Variants in CHD6 observed in about 807,000 individuals in gnomAD.
CHD6 encodes the protein ATP-dependent chromatin remodeler CHD6.
In CHD6, 50 loss-of-function variants were observed where a neutral mutation model predicts 276.9. The observed-to-expected ratio is 0.18, with a 90% CI of 0.14 to 0.23. CHD6 has a LOEUF of 0.23. Ranked by LOEUF, CHD6 falls within the 10% of genes least tolerant of loss-of-function variation. The pLI, the probability that CHD6 is intolerant of heterozygous loss-of-function variation, is 1.00. For synonymous variants in CHD6, 1,173 were observed against 1,229.3 expected, an observed-to-expected ratio of 0.95 and a Z score of 0.96; for missense variants, 2,564 against 3,365.8, an observed-to-expected ratio of 0.76 and a Z score of 5.89.
At chr20:41,454,151 G>T (rs2048321352) in intron 20 of CHD6, among the ~76,000 whole-genome samples, 1 of 152,158 alleles carries the variant, frequency 6.6e-6, no homozygotes, top group South Asian at 2.1e-4. Context: ...TTCATCCGAA[G>T]GCATACTCTG....
intron 24 of CHD6, among the ~76,000 whole-genome samples, chr20:41,447,246 C>T (rs2048097899): frequency 6.6e-6 from 1 of 152,202 alleles, no homozygotes; most frequent in Non-Finnish European, 1.5e-5. Flanking sequence ...GTCCAAATAT[C>T]AGCACTCTTG....
intron 10 of CHD6, among the ~76,000 whole-genome samples, chr20:41,492,200 A>AT (rs1476229621): frequency 1.4e-4 from 21 of 152,192 alleles, no homozygotes; most frequent in African/African-American, 4.8e-4. Flanking sequence ...GTTTCTTACC[A>AT]TATCTCACAC....
intron 8 of CHD6, among the ~76,000 whole-genome samples, chr20:41,495,264 A>G (rs2043656379): frequency 6.6e-6 from 1 of 152,232 alleles, no homozygotes; most frequent in African/African-American, 2.4e-5. Context: ...AGACAATAGA[A>G]TATCATTCAG....
intron 3 of CHD6, among the ~76,000 whole-genome samples, chr20:41,526,793 G>T (rs181790650): frequency 1.6e-3 from 250 of 152,226 alleles, no homozygotes; most frequent in Admixed American, 2.7e-3. Flanking sequence ...CACTTTTCCT[G>T]TGATCTTTCA....
At chr20:41,591,906 T>C (rs958615919) in intron 1 of CHD6, among the ~76,000 whole-genome samples, 4 of 152,144 alleles carry the variant, frequency 2.6e-5, no homozygotes, top group Non-Finnish European at 5.9e-5. Context: ...AAGACCATCC[T>C]GGCTAAGACA....
In CHD6 at chr20:41,452,080, G is replaced by T; in HGVS notation, c.3324-55C>A. The T allele has an allele frequency of 1.5e-6, 2 of 1,374,746 alleles. No individual in the cohort carries two copies. The highest frequency in any genetic ancestry group is 1.2e-5 in the South Asian group (1 of 84,558). 85.2% of individuals were successfully genotyped at this position (1,374,746 alleles called of 1,614,324 possible). A position where few individuals can be genotyped will look rare whatever the true frequency, so the allele number is the denominator to read the frequency against. The stretch of plus-strand genomic sequence containing the variant: ...AGGGAGAATGGACCAGGCCATGCAG[G>T]CAGCCTCCCCACAGGAGGAGAAACA... On this transcript the variant is annotated intron_variant, in intron 21 of 36. Transcript: ENST00000373233. This position sits in a 1 kb window ranked among gnomAD's most constrained non-coding sequence, Gnocchi z 4.2.
At chr20:41,606,686 A>C (rs1484045102) in intron 1 of CHD6, among the ~76,000 whole-genome samples, 5 of 151,874 alleles carry the variant, frequency 3.3e-5, no homozygotes, top group Non-Finnish European at 7.4e-5. Flanking sequence ...AAAAAAAAAA[A>C]AAACTTATCT....
At position 41,415,200 on chromosome 20, in the gene CHD6, G is replaced by C. The variant is rs779167614; in HGVS notation, c.6925C>G (p.Gln2309Glu). The stretch of plus-strand genomic sequence containing the variant: ...TCAATACCCACCAAGATTCCCGCCT[G>C]AAGTGTCTGCTCCTTCAAAAAGATG... ...DLIFLKEQTL[Q>E]AGILEVHEDP... The change falls in exon 34 of 37, where the codon CAG becomes GAG. Residue 2309 changes from glutamine (Q) to glutamate (E), a missense_variant. Around this residue, in one of 7 missense-constraint regions of CHD6, gnomAD observed 1,024 missense variants for 1,047.9 expected, o/e 0.98. Transcript: ENST00000373233. The C allele has an allele frequency of 6.2e-7, 1 of 1,613,892 alleles. No individual in the cohort carries two copies. The highest frequency in any genetic ancestry group is 8.5e-7 in the Non-Finnish European group (1 of 1,179,850).
In CHD6 at chr20:41,425,411, G is replaced by A; in HGVS notation, c.4130-17C>T. 2 of 1,605,346 alleles carry A rather than the reference G, an allele frequency of 1.2e-6. No homozygotes were observed. The highest frequency in any genetic ancestry group is 8.5e-7 in the Non-Finnish European group (1 of 1,174,824). Reference sequence around the variant, plus strand: ...CATCCTGGGCTTCAAACATCAGTGAGGATATTAGTATTTACAAACAGAACT... The same window carrying A: ...CATCCTGGGCTTCAAACATCAGTGAAGATATTAGTATTTACAAACAGAACT... On this transcript the variant is annotated splice_polypyrimidine_tract_variant and intron_variant, in intron 28 of 36. Transcript: ENST00000373233.
intron 1 of CHD6, among the ~76,000 whole-genome samples, chr20:41,603,122 G>A (rs371307923): frequency 1.8e-4 from 27 of 152,236 alleles, no homozygotes; most frequent in African/African-American, 6.0e-4. Flanking sequence ...AGAGGCCAAG[G>A]TGGGTGGATC....
chr20:41,555,923 C>G (rs1359289218), intron 1 of CHD6, among the ~76,000 whole-genome samples: 1 of 152,164 alleles, frequency 6.6e-6, no homozygotes. Context: ...GAGGTTGTAG[C>G]GAGCCGAGAT....
intron 1 of CHD6, among the ~76,000 whole-genome samples, chr20:41,556,970 A>G (rs1256296800): frequency 1.3e-5 from 2 of 152,348 alleles, no homozygotes; most frequent in East Asian, 1.9e-4. Context: ...CTTCTGCACA[A>G]TGCTGGAAAT....
chr20:41,522,481 T>TAAA (rs1304434053), intron 3 of CHD6, among the ~76,000 whole-genome samples: 4 of 152,312 alleles, frequency 2.6e-5, no homozygotes, highest in East Asian at 1.9e-4. Flanking sequence ...TGCATGATCT[T>TAAA]AAAATGTCTC....
At position 41,455,960 on chromosome 20, in the gene CHD6, A is replaced by G. The variant is rs1569098238; in HGVS notation, c.2849T>C (p.Met950Thr). The change falls in exon 19 of 37, where the codon ATG (methionine) becomes ACG (threonine). Residue 950 changes from methionine (M) to threonine (T), a missense_variant. Physicochemically the swap from Met to Thr is moderately conservative, Grantham distance 81. Around this residue, in one of 7 missense-constraint regions of CHD6, gnomAD observed 457 missense variants for 889.0 expected, o/e 0.51. Transcript: ENST00000373233. ...TTTCCGGAGTAGGTCCTCCACCTCC[A>G]TTTTTGAGAGCTGCTGTACCTGGAC... Reference protein sequence around the residue: ...GTNGVQQLSKMEVEDLLRKGA... With the variant: ...GTNGVQQLSKTEVEDLLRKGA... The G allele has an allele frequency of 6.3e-7, 1 of 1,582,186 alleles. No individual in the cohort carries two copies. The highest frequency in any genetic ancestry group is 8.6e-7 in the Non-Finnish European group (1 of 1,165,336).
At chr20:41,610,808 A>G (rs911033707) in intron 1 of CHD6, among the ~76,000 whole-genome samples, 2 of 151,326 alleles carry the variant, frequency 1.3e-5, no homozygotes, top group African/African-American at 2.4e-5. Flanking sequence ...AAGTTAATTG[A>G]TAGATAAACC....
chr20:41,439,869 C>T (rs2294572), intron 26 of CHD6, 131 bp downstream of exon 26: 15,555 of 846,362 alleles, frequency 0.018, 239 homozygotes, highest in East Asian at 0.051. Context: ...TGGAAAACAG[C>T]GGCAGTGTGG....
chr20:41,522,938 C>T (rs2044439701), intron 3 of CHD6, among the ~76,000 whole-genome samples: 2 of 152,152 alleles, frequency 1.3e-5, no homozygotes, highest in South Asian at 2.1e-4. Context: ...TCTGGGAGTC[C>T]TTCCTTTAAA....
rs183210891 is a variant in CHD6 at position 41,477,353 on chromosome 20, T to C, written c.2469-3836A>G. ...CTAGAAAGGCTAGACATTTATCCAG[T>C]ATACATAATATCTCCCTATATTTCA... On this transcript the variant is annotated intron_variant, in intron 16 of 36. Coordinates refer to ENST00000373233, the MANE Select transcript of CHD6 (RefSeq NM_032221.5). Among the ~76,000 whole-genome samples, 9 of 152,282 alleles carry C rather than the reference T, an allele frequency of 5.9e-5. No homozygotes were observed. In the East Asian group the frequency reaches 1.5e-3, roughly 26 times the overall value.
intron 1 of CHD6, among the ~76,000 whole-genome samples, chr20:41,563,491 T>G (rs888469846): frequency 2.0e-5 from 3 of 152,186 alleles, no homozygotes; most frequent in African/African-American, 7.2e-5. Flanking sequence ...GAATGGGATC[T>G]CTGAGGTCAC....
Sources: gnomAD v4.1 joint callset for allele counts (sites outside exome capture counted in the v4.1 genomes callset) on GRCh38, gnomAD v4.1.1 for gene constraint, gnomAD v4.1.1 regional missense constraint, Gnocchi (gnomAD v3.1) non-coding constraint, MANE v1.5 for transcripts, NCBI Gene and HGNC (gene_info 2026-07-23, HGNC 2026-07-21) for gene names.